Variants in CLIC5 observed in about 807,000 individuals in gnomAD.
CLIC5 encodes chloride intracellular channel protein 5.
A neutral mutation model predicts 24.7 loss-of-function variants in CLIC5; 20 were observed. The observed-to-expected ratio is 0.81, with a 90% CI of 0.57 to 1.18. The LOEUF is 1.18. CLIC5 is among the 50% of genes most tolerant of loss of function. CLIC5 has a pLI of 0.00. For synonymous variants in CLIC5, 159 were observed against 135.6 expected, an observed-to-expected ratio of 1.17 and a Z score of -1.20; for missense variants, 341 against 326.1, an observed-to-expected ratio of 1.05 and a Z score of -0.35.
chr6:46,035,490 A>G (rs1767633966), intron 1 of CLIC5, among the ~76,000 whole-genome samples: 1 of 152,166 alleles, frequency 6.6e-6, no homozygotes. Flanking sequence ...CACTGGCTCC[A>G]TCTCTACTGT....
the CLIC5 span, among the ~76,000 whole-genome samples, chr6:46,087,931 CT>C: frequency 6.6e-6 from 1 of 152,168 alleles, no homozygotes; most frequent in Non-Finnish European, 1.5e-5. Context: ...CACTATCATT[CT>C]GCCTAAAGGA....
At chr6:45,950,936 C>T (rs980567732) in intron 2 of CLIC5, among the ~76,000 whole-genome samples, 3 of 151,966 alleles carry the variant, frequency 2.0e-5, no homozygotes, top group Non-Finnish European at 4.4e-5. Context: ...GAAATTGTGC[C>T]TATTTTTAAA....
At chr6:46,101,915 G>A in the CLIC5 span, among the ~76,000 whole-genome samples, 4 of 140,150 alleles carry the variant, frequency 2.9e-5, no homozygotes, top group African/African-American at 7.9e-5. Context: ...ATTCCTGGGG[G>A]AAAAAATATT....
At chr6:46,074,940 T>C (rs371727285) in intron 1 of CLIC5, among the ~76,000 whole-genome samples, 2 of 152,200 alleles carry the variant, frequency 1.3e-5, no homozygotes, top group East Asian at 1.9e-4. Context: ...TTCCACAATA[T>C]TGTATTGCTC....
the CLIC5 span, among the ~76,000 whole-genome samples, chr6:46,115,607 A>G: frequency 1.3e-5 from 2 of 152,200 alleles, no homozygotes; most frequent in African/African-American, 4.8e-5. Context: ...CAGTACTGTT[A>G]ACCAATTTTG....
chr6:46,046,215 G>C (rs1432855917), intron 1 of CLIC5, among the ~76,000 whole-genome samples: 2 of 152,058 alleles, frequency 1.3e-5, no homozygotes, highest in Non-Finnish European at 2.9e-5. Flanking sequence ...TTTCCTCTTG[G>C]GGTTTTAGTT....
intron 1 of CLIC5, among the ~76,000 whole-genome samples, chr6:45,991,700 C>A (rs1037382846): frequency 6.6e-6 from 1 of 152,120 alleles, no homozygotes; most frequent in African/African-American, 2.4e-5. Flanking sequence ...ATCTACAGAA[C>A]TGATGAATGT....
At chr6:46,124,709 A>T in the CLIC5 span, among the ~76,000 whole-genome samples, 1 of 152,160 alleles carries the variant, frequency 6.6e-6, no homozygotes, top group East Asian at 1.9e-4. Flanking sequence ...GAATCTACAA[A>T]GAACTCAAAC....
At chr6:46,080,753 T>C (rs1762902846), upstream of CLIC5, among the ~76,000 whole-genome samples, 1 of 152,210 alleles carries the variant, frequency 6.6e-6, no homozygotes, top group Non-Finnish European at 1.5e-5. Context: ...ATTATTTGCC[T>C]ATTGATACCC....
intron 1 of CLIC5, among the ~76,000 whole-genome samples, chr6:46,035,172 A>G (rs1767625847): frequency 6.6e-6 from 1 of 152,330 alleles, no homozygotes; most frequent in Middle Eastern, 3.4e-3. Flanking sequence ...CTCAAGTTTC[A>G]AAGTATCAAT....
chr6:46,091,781 C>T, the CLIC5 span, among the ~76,000 whole-genome samples: 1 of 152,106 alleles, frequency 6.6e-6, no homozygotes, highest in African/African-American at 2.4e-5. Context: ...AGGTTAATTC[C>T]ATATCTTAGG....
Position 45,912,057 on chromosome 6 carries a change from G to A in CLIC5, c.588+2171C>T, listed in dbSNP as rs188001371. 424 of 985,986 alleles carry A rather than the reference G, an allele frequency of 4.3e-4. No homozygotes were observed. The African/African-American group carries it at 7.0e-3, about 16-fold the overall frequency. 61.1% of individuals were successfully genotyped at this position (985,986 alleles called of 1,614,324 possible). On this transcript the variant is annotated intron_variant, in intron 5 of 5. Coordinates refer to ENST00000339561, the MANE Select transcript of CLIC5 (RefSeq NM_016929.5). The stretch of plus-strand genomic sequence containing the variant: ...GCAAGGGGGTAAGGATGCACACGGA[G>A]ATCTGACGTTCGCAGGGACTTCCAT...
chr6:46,059,584 A>T (rs1189427308), intron 1 of CLIC5, among the ~76,000 whole-genome samples: 1 of 152,212 alleles, frequency 6.6e-6, no homozygotes, highest in African/African-American at 2.4e-5. Context: ...GCCAAGACAC[A>T]TGCCAGGTAT....
chr6:45,922,308 C>T (rs1763295698), intron 4 of CLIC5, among the ~76,000 whole-genome samples: 1 of 152,140 alleles, frequency 6.6e-6, no homozygotes, highest in Non-Finnish European at 1.5e-5. Flanking sequence ...GGTTGCCCAC[C>T]CTCCTCTGTG....
chr6:46,056,030 G>C (rs1208703225), intron 1 of CLIC5, among the ~76,000 whole-genome samples: 3 of 152,192 alleles, frequency 2.0e-5, no homozygotes, highest in Non-Finnish European at 4.4e-5. Context: ...ACAACAGTCT[G>C]AGTACATTTG....
At chr6:46,097,737 T>C in the CLIC5 span, among the ~76,000 whole-genome samples, 1 of 152,252 alleles carries the variant, frequency 6.6e-6, no homozygotes, top group Non-Finnish European at 1.5e-5. Context: ...AGATTTAACA[T>C]ACATGGACAT....
At chr6:45,911,913 C>A in intron 5 of CLIC5, 1 of 985,496 alleles carries the variant, frequency 1.0e-6, no homozygotes, top group Non-Finnish European at 1.2e-6. Flanking sequence ...AGGAGGGGGC[C>A]AGACAATGAA....
At chr6:46,022,285 T>C (rs1767206264) in intron 1 of CLIC5, among the ~76,000 whole-genome samples, 1 of 152,168 alleles carries the variant, frequency 6.6e-6, no homozygotes, top group Admixed American at 6.5e-5. Context: ...GCAATCACAT[T>C]ATTAGTCACA....
rs1308919985 is a variant in CLIC5, at chr6:45,947,466, C to T, written c.299+1790G>A. 2.0e-5 allele frequency among the ~76,000 whole-genome samples: 3 copies of T among 152,250 alleles called. No individual in the cohort carries two copies. In the East Asian group the frequency reaches 5.8e-4, roughly 29 times the overall value. On this transcript the variant is annotated intron_variant, in intron 3 of 5. Coordinates refer to ENST00000339561, the MANE Select transcript of CLIC5 (RefSeq NM_016929.5). ...ATCACTAGCAGACTAGGATTGTACC[C>T]CAGCCCCTCACCCCTCCATCCACTG...
Sources: gnomAD v4.1 joint callset for allele counts (sites outside exome capture counted in the v4.1 genomes callset) on GRCh38, gnomAD v4.1.1 for gene constraint, MANE v1.5 for transcripts, NCBI Gene and HGNC (gene_info 2026-07-23, HGNC 2026-07-21) for gene names.